Variants in TMEM132D observed in about 807,000 individuals in gnomAD.
TMEM132D encodes transmembrane protein 132D, also known as mature OL transmembrane protein.
Under a neutral mutation model 62.3 loss-of-function variants are expected in TMEM132D, and 21 were observed. That is an observed-to-expected ratio of 0.34 (90% confidence interval 0.24 to 0.49). TMEM132D has a LOEUF of 0.49. Ranked by LOEUF, TMEM132D falls within the 20% of genes least tolerant of loss-of-function variation. TMEM132D has a pLI of 0.99. For synonymous variants in TMEM132D, 621 were observed against 575.6 expected (o/e 1.08, Z -1.13); for missense variants, 1,346 against 1,402.8 (o/e 0.96, Z 0.65).
intron 1 of TMEM132D, among the ~76,000 whole-genome samples, chr12:129,875,603 G>A (rs73160275): frequency 0.11 from 16,349 of 152,122 alleles, 1,633 homozygotes; most frequent in East Asian, 0.58. Context: ...AGGCATGGCG[G>A]GGAAGAGAGG....
intron 4 of TMEM132D, among the ~76,000 whole-genome samples, chr12:129,295,492 G>A (rs1161997682): frequency 9.4e-5 from 14 of 148,174 alleles, no homozygotes; most frequent in African/African-American, 1.8e-4. Flanking sequence ...GTGCAGTGGC[G>A]TGATCTCGGC....
At chr12:129,668,802 C>T (rs647856) in intron 2 of TMEM132D, among the ~76,000 whole-genome samples, 109,338 of 152,066 alleles carry the variant, frequency 0.72, 39,640 homozygotes, top group East Asian at 0.85. Flanking sequence ...TTGGAGAAAG[C>T]GGTTATTTTA....
At chr12:129,552,618 T>C (rs1876931622) in intron 2 of TMEM132D, among the ~76,000 whole-genome samples, 1 of 147,422 alleles carries the variant, frequency 6.8e-6, no homozygotes, top group African/African-American at 2.6e-5. Context: ...TTATCATCTA[T>C]TATTTATCTG....
chr12:129,320,131 T>C (rs914582723), intron 4 of TMEM132D, among the ~76,000 whole-genome samples: 2 of 152,170 alleles, frequency 1.3e-5, no homozygotes, highest in African/African-American at 4.8e-5. Flanking sequence ...TTGGCTGGGG[T>C]TAATCAAAAT....
chr12:129,428,468 C>T (rs1872560041), intron 3 of TMEM132D, among the ~76,000 whole-genome samples: 1 of 152,210 alleles, frequency 6.6e-6, no homozygotes, highest in African/African-American at 2.4e-5. Context: ...TAATGTGACA[C>T]ATGTTAAAGA....
At chr12:129,219,009 T>C (rs992314652) in intron 4 of TMEM132D, among the ~76,000 whole-genome samples, 2 of 152,122 alleles carry the variant, frequency 1.3e-5, no homozygotes, top group Non-Finnish European at 2.9e-5. Context: ...CCCGGGTGTG[T>C]AAACTCCATG....
chr12:129,656,395 G>T (rs1028420731), intron 2 of TMEM132D, among the ~76,000 whole-genome samples: 1 of 152,140 alleles, frequency 6.6e-6, no homozygotes, highest in African/African-American at 2.4e-5. Flanking sequence ...AATCTTCATG[G>T]CAGAAACAGC....
At chr12:129,551,899 C>T (rs1252605798) in intron 2 of TMEM132D, among the ~76,000 whole-genome samples, 1 of 152,176 alleles carries the variant, frequency 6.6e-6, no homozygotes, top group Non-Finnish European at 1.5e-5. Flanking sequence ...ACTCAACACC[C>T]TCTGATATTT....
chr12:129,804,599 A>C (rs929080487), intron 1 of TMEM132D, among the ~76,000 whole-genome samples: 15 of 138,142 alleles, frequency 1.1e-4, no homozygotes, highest in African/African-American at 4.1e-4. Context: ...GAATGGGCAA[A>C]AACTGGAAGC....
intron 3 of TMEM132D, among the ~76,000 whole-genome samples, chr12:129,527,137 C>A (rs1294142155): frequency 6.6e-6 from 1 of 152,076 alleles, no homozygotes; most frequent in Non-Finnish European, 1.5e-5. Flanking sequence ...GGCAAAACCC[C>A]ACCTCTACTA....
At chr12:129,600,333 C>T (rs998083209) in intron 2 of TMEM132D, among the ~76,000 whole-genome samples, 1 of 152,208 alleles carries the variant, frequency 6.6e-6, no homozygotes, top group African/African-American at 2.4e-5. Context: ...TTCTAGCTCT[C>T]TTGCTGTTTC....
intron 4 of TMEM132D, among the ~76,000 whole-genome samples, chr12:129,217,965 C>A (rs1261609740): frequency 1.3e-5 from 2 of 152,130 alleles, no homozygotes; most frequent in Non-Finnish European, 2.9e-5. Flanking sequence ...ATAACGCTCT[C>A]CCCTGGTCAA....
chr12:129,374,910 C>A (rs1402276803), intron 3 of TMEM132D, among the ~76,000 whole-genome samples: 2 of 152,188 alleles, frequency 1.3e-5, no homozygotes. Flanking sequence ...ACAGCCCACC[C>A]ACAAGCCATG....
chr12:129,511,258 G>C (rs1192738330), intron 3 of TMEM132D, among the ~76,000 whole-genome samples: 2 of 152,086 alleles, frequency 1.3e-5, no homozygotes, highest in Non-Finnish European at 2.9e-5. Context: ...CCCTTCTATA[G>C]AATTTCACAT....
At chr12:129,553,784 G>C (rs953980689) in intron 2 of TMEM132D, among the ~76,000 whole-genome samples, 4 of 152,148 alleles carry the variant, frequency 2.6e-5, no homozygotes, top group Admixed American at 6.5e-5. Flanking sequence ...CCAGTTCCCT[G>C]GTCATGCTAT....
chr12:129,143,586 T>C (rs1258477804), intron 5 of TMEM132D, among the ~76,000 whole-genome samples: 2 of 152,172 alleles, frequency 1.3e-5, no homozygotes, highest in East Asian at 3.9e-4. Flanking sequence ...TGAAGCCTAA[T>C]ATATCCAACA....
At chr12:129,871,780 G>A (rs1874251116) in intron 1 of TMEM132D, among the ~76,000 whole-genome samples, 1 of 152,162 alleles carries the variant, frequency 6.6e-6, no homozygotes, top group South Asian at 2.1e-4. Flanking sequence ...CACACCATGG[G>A]CTCCAGATCT....
chr12:129,515,096 T>C (rs1875633011), intron 3 of TMEM132D, among the ~76,000 whole-genome samples: 1 of 152,154 alleles, frequency 6.6e-6, no homozygotes. Flanking sequence ...ATATTTCCAA[T>C]CAATATTTGC....
chr12:129,144,786 A>C (rs113397951), intron 5 of TMEM132D, among the ~76,000 whole-genome samples: 6 of 148,488 alleles, frequency 4.0e-5, no homozygotes, highest in Admixed American at 1.3e-4. Context: ...TATCTACCTA[A>C]CTACCTGTCA....
Sources: allele counts gnomAD v4.1 joint callset (sites outside exome capture counted in the v4.1 genomes callset), GRCh38; gene constraint gnomAD v4.1.1; transcripts MANE v1.5; gene names NCBI Gene and HGNC (gene_info 2026-07-23, HGNC 2026-07-21).